Variants in ASAP1 observed in about 807,000 individuals in gnomAD.
ASAP1 encodes the protein arf-GAP with SH3 domain, ANK repeat and PH domain-containing protein 1.
A neutral mutation model predicts 145.2 loss-of-function variants in ASAP1; 43 were observed. The ratio of observed to expected loss-of-function variants is 0.30; its 90% CI spans 0.23 to 0.38. The LOEUF (loss-of-function observed/expected upper bound fraction) is 0.38, where lower values mean the gene tolerates loss of function less well. ASAP1 is among the 10% of genes least tolerant of loss of function. The pLI, the probability that ASAP1 is intolerant of heterozygous loss-of-function variation, is 1.00. For missense variants in ASAP1, 1,018 were observed against 1,355.3 expected (o/e 0.75, Z 3.91); for synonymous variants, 546 against 515.5 (o/e 1.06, Z -0.80).
chr8:130,318,857 C>G (rs1254969316), intron 3 of ASAP1, among the ~76,000 whole-genome samples: 1 of 152,124 alleles, frequency 6.6e-6, no homozygotes, highest in Non-Finnish European at 1.5e-5. Context: ...AAAAAAAGAT[C>G]AGCAGGACAA....
At chr8:130,442,794 C>G (rs1288426212) in intron 1 of ASAP1, among the ~76,000 whole-genome samples, 2 of 152,038 alleles carry the variant, frequency 1.3e-5, no homozygotes, top group Non-Finnish European at 1.5e-5. Context: ...CGCAGAAAAC[C>G]GGACACCGGC....
chr8:130,359,600 C>CTTTTTTTTTTTT (rs1172997546), intron 2 of ASAP1, among the ~76,000 whole-genome samples: 1 of 149,142 alleles, frequency 6.7e-6, no homozygotes, highest in African/African-American at 2.5e-5. Flanking sequence ...CGGGATTGGG[C>CTTTTTTTTTTTT]TTCTGCCATC....
At chr8:130,126,669 C>T (rs1251897387) in intron 16 of ASAP1, among the ~76,000 whole-genome samples, 2 of 152,160 alleles carry the variant, frequency 1.3e-5, no homozygotes, top group South Asian at 2.1e-4. Context: ...CTCTCTGGGT[C>T]AAGCTTCTTC....
At chr8:130,365,391 T>A (rs889804227) in intron 2 of ASAP1, among the ~76,000 whole-genome samples, 1 of 152,232 alleles carries the variant, frequency 6.6e-6, no homozygotes, top group Non-Finnish European at 1.5e-5. Flanking sequence ...TTTTATGAGC[T>A]ACATCATTTC....
At chr8:130,288,494 A>G (rs1394253668) in intron 3 of ASAP1, among the ~76,000 whole-genome samples, 2 of 152,220 alleles carry the variant, frequency 1.3e-5, no homozygotes, top group Non-Finnish European at 2.9e-5. Context: ...TTTACAGAGC[A>G]CTGCCAGCTC....
At chr8:130,277,995 A>G (rs1473383805) in intron 3 of ASAP1, among the ~76,000 whole-genome samples, 1 of 151,926 alleles carries the variant, frequency 6.6e-6, no homozygotes, top group Non-Finnish European at 1.5e-5. Flanking sequence ...AATCCAAAGT[A>G]GTATGGTTCT....
intron 24 of ASAP1, among the ~76,000 whole-genome samples, chr8:130,108,773 T>G (rs1012061260): frequency 2.2e-3 from 269 of 122,654 alleles, no homozygotes; most frequent in Middle Eastern, 4.1e-3. Flanking sequence ...TTTTTTTTTT[T>G]TTTTTTTTTT....
chr8:130,134,211 T>C, intron 15 of ASAP1, 85 bp downstream of exon 15: 6 of 1,115,428 alleles, frequency 5.4e-6, no homozygotes, highest in South Asian at 3.3e-5. Flanking sequence ...TTCTTACAAA[T>C]GAAAAGAAAA....
At chr8:130,063,324 T>C (rs1417553386) in intron 27 of ASAP1, among the ~76,000 whole-genome samples, 1 of 152,206 alleles carries the variant, frequency 6.6e-6, no homozygotes, top group Non-Finnish European at 1.5e-5. Context: ...ACCACAGGTA[T>C]GTACCACCGC....
chr8:130,118,259 A>G lies in ASAP1; in HGVS notation c.1795-13T>C, dbSNP rs2135651739. ...TCTCCCCAAGCTCCTAAAAAGGGAA[A>G]GAAAAGTATAAGTAAGTCAATAATA... On this transcript the variant is annotated splice_polypyrimidine_tract_variant and intron_variant, in intron 19 of 29. Transcript: ENST00000518721. The G allele has an allele frequency of 1.2e-6, 2 of 1,612,634 alleles. No individual in the cohort carries two copies. Among genetic ancestry groups the G allele is most frequent in the Non-Finnish European group, 1.7e-6 (2 of 1,178,910 alleles).
intron 12 of ASAP1, among the ~76,000 whole-genome samples, chr8:130,158,746 T>C (rs76959780): frequency 6.8e-6 from 1 of 147,546 alleles, no homozygotes; most frequent in African/African-American, 2.5e-5. Flanking sequence ...GCTTTATGAT[T>C]TTTTTTTTTT....
chr8:130,159,419 G>A (rs549434963), intron 12 of ASAP1, among the ~76,000 whole-genome samples: 3 of 151,944 alleles, frequency 2.0e-5, no homozygotes, highest in East Asian at 2.0e-4. Flanking sequence ...TCAGAAGATC[G>A]AGACCAACCT....
chr8:130,115,807 G>T, intron 22 of ASAP1, 72 bp from the exon 23 acceptor site: 1 of 1,099,670 alleles, frequency 9.1e-7, no homozygotes, highest in Non-Finnish European at 1.4e-6. Flanking sequence ...CAAACACTGA[G>T]CAAATCCCAC....
intron 3 of ASAP1, 70 bp downstream of exon 3, chr8:130,357,947 G>A (rs906604581): frequency 6.6e-7 from 1 of 1,523,070 alleles, no homozygotes. Flanking sequence ...CTCCCAGCTC[G>A]GAGAGGAGAT....
chr8:130,190,635 A>C (rs988273112), intron 5 of ASAP1, among the ~76,000 whole-genome samples: 1 of 152,096 alleles, frequency 6.6e-6, no homozygotes, highest in African/African-American at 2.4e-5. Context: ...CTCCTGTCTC[A>C]GCCTCCTGAA....
At chr8:130,110,360 G>A (rs2097544650) in intron 24 of ASAP1, among the ~76,000 whole-genome samples, 1 of 152,184 alleles carries the variant, frequency 6.6e-6, no homozygotes, top group African/African-American at 2.4e-5. Context: ...ACCACACTCA[G>A]GAGATGTGAA....
intron 9 of ASAP1, among the ~76,000 whole-genome samples, chr8:130,177,034 C>T (rs1200835247): frequency 6.6e-6 from 1 of 152,132 alleles, no homozygotes; most frequent in Non-Finnish European, 1.5e-5. Flanking sequence ...CACTGTCCAG[C>T]CCCATTATGA....
At chr8:130,131,680 C>T (rs191154897) in intron 15 of ASAP1, among the ~76,000 whole-genome samples, 19 of 148,312 alleles carry the variant, frequency 1.3e-4, no homozygotes, top group African/African-American at 4.5e-4. Context: ...GCACTAGCTA[C>T]TTGCAAGGCT....
chr8:130,421,690 C>T (rs894327268), intron 1 of ASAP1, among the ~76,000 whole-genome samples: 1 of 152,058 alleles, frequency 6.6e-6, no homozygotes, highest in African/African-American at 2.4e-5. Flanking sequence ...AGACTCCCAC[C>T]GAACTAGAAA....
Sources: gnomAD v4.1 joint callset for allele counts (sites outside exome capture counted in the v4.1 genomes callset) on GRCh38, gnomAD v4.1.1 for gene constraint, MANE v1.5 for transcripts, NCBI Gene and HGNC (gene_info 2026-07-23, HGNC 2026-07-21) for gene names.